DDX6: variants seen among roughly 807,000 people sequenced by gnomAD.
DDX6 encodes the protein DEAD-box helicase 6.
A neutral mutation model predicts 60.6 loss-of-function variants in DDX6; 7 were observed. That is an observed-to-expected ratio of 0.12 (90% confidence interval 0.07 to 0.22). The LOEUF is 0.22. Among genes scored for constraint, DDX6 ranks in the 10% least tolerant of loss-of-function variants. DDX6 has a pLI of 1.00. For synonymous variants in DDX6, 207 were observed against 201.0 expected, an observed-to-expected ratio of 1.03 and a Z score of -0.25; for missense variants, 270 against 589.9, an observed-to-expected ratio of 0.46 and a Z score of 5.62.
intron 4 of DDX6, among the ~76,000 whole-genome samples, chr11:118,777,664 C>A (rs56043232): frequency 2.0e-5 from 3 of 151,940 alleles, no homozygotes; most frequent in East Asian, 3.9e-4. Flanking sequence ...CCAAAGTGGG[C>A]GATCATTTGA....
chr11:118,757,485 T>TA (rs1555159224), intron 9 of DDX6, among the ~76,000 whole-genome samples, 198 bp from the exon 10 acceptor site: 1 of 152,194 alleles, frequency 6.6e-6, no homozygotes, highest in Non-Finnish European at 1.5e-5. Context: ...TTTACCGTAT[T>TA]AGAGTATATT....
chr11:118,781,820 C>T (rs1203134484), intron 2 of DDX6, among the ~76,000 whole-genome samples: 3 of 151,712 alleles, frequency 2.0e-5, no homozygotes, highest in African/African-American at 4.8e-5. Context: ...CCCAGCTACT[C>T]GGGAGGCTGA....
intron 5 of DDX6, 87 bp from the exon 6 acceptor site, chr11:118,765,442 C>T: frequency 7.1e-7 from 1 of 1,411,644 alleles, no homozygotes; most frequent in Admixed American, 1.7e-5. Context: ...ATTTAAGAAG[C>T]TATAGAAATA....
At chr11:118,755,753 C>T (rs1474905779) in intron 11 of DDX6, among the ~76,000 whole-genome samples, 1 of 151,674 alleles carries the variant, frequency 6.6e-6, no homozygotes, top group African/African-American at 2.4e-5. Flanking sequence ...TGCACTCAAG[C>T]CTGTAATCCC....
chr11:118,768,915 C>A (rs1483227186), intron 4 of DDX6, among the ~76,000 whole-genome samples: 5 of 128,828 alleles, frequency 3.9e-5, no homozygotes, highest in African/African-American at 1.1e-4. Context: ...GAGGCTGAGC[C>A]AGGAGGTCAA....
chr11:118,766,402 C>G (rs1861355341), intron 5 of DDX6, among the ~76,000 whole-genome samples: 1 of 151,974 alleles, frequency 6.6e-6, no homozygotes, highest in Admixed American at 6.6e-5. Flanking sequence ...ACACCACACT[C>G]CAGAATGGGT....
intron 9 of DDX6, among the ~76,000 whole-genome samples, chr11:118,758,412 G>A (rs1218478292): frequency 2.0e-5 from 3 of 150,794 alleles, no homozygotes; most frequent in African/African-American, 2.4e-5. Flanking sequence ...TTGCTCTGTC[G>A]CCCAGAGCTG....
At chr11:118,758,632 A>C in intron 9 of DDX6, 142 bp downstream of exon 9, 1 of 896,982 alleles carries the variant, frequency 1.1e-6, no homozygotes, top group South Asian at 2.0e-5. Flanking sequence ...CAGCCTCCAA[A>C]GTGCTGGGAG....
intron 10 of DDX6, among the ~76,000 whole-genome samples, chr11:118,756,753 T>C (rs1254934595): frequency 6.6e-6 from 1 of 152,214 alleles, no homozygotes; most frequent in Non-Finnish European, 1.5e-5. Context: ...CACTATCCAG[T>C]AGCAACAGGT....
chr11:118,785,413 T>A (rs2137554016), intron 2 of DDX6, among the ~76,000 whole-genome samples: 1 of 151,738 alleles, frequency 6.6e-6, no homozygotes, highest in South Asian at 2.1e-4. Flanking sequence ...TTATGTTGCC[T>A]AGGCTGGTCT....
intron 5 of DDX6, 99 bp from the exon 6 acceptor site, chr11:118,765,454 T>TGCATCATAAG: frequency 2.3e-6 from 3 of 1,281,368 alleles, no homozygotes; most frequent in Non-Finnish European, 3.3e-6. Flanking sequence ...ATAGAAATAC[T>TGCATCATAAG]GCGCCTTATG....
intron 5 of DDX6, 38 bp downstream of exon 5, chr11:118,768,185 C>T: frequency 6.3e-7 from 1 of 1,594,542 alleles, no homozygotes; most frequent in Non-Finnish European, 8.6e-7. Flanking sequence ...GCTGAAACTC[C>T]CATTTTTAGT....
intron 6 of DDX6, 85 bp from the exon 7 acceptor site, chr11:118,763,391 C>G (rs1050102079): frequency 4.0e-6 from 4 of 1,009,856 alleles, no homozygotes; most frequent in East Asian, 2.4e-5. Flanking sequence ...CAGTCCTGAG[C>G]TGCTTAATGA....
At chr11:118,762,725 T>C (rs1861216641) in intron 7 of DDX6, among the ~76,000 whole-genome samples, 1 of 152,170 alleles carries the variant, frequency 6.6e-6, no homozygotes, top group Non-Finnish European at 1.5e-5. Context: ...CCATCTTAAG[T>C]CAGGGACCAT....
chr11:118,772,295 C>A (rs782328291), intron 4 of DDX6, among the ~76,000 whole-genome samples: 4 of 151,930 alleles, frequency 2.6e-5, no homozygotes, highest in Non-Finnish European at 5.9e-5. Flanking sequence ...AGTAATAGAG[C>A]CATACAATAA....
chr11:118,755,253 G>T (rs1306372272), intron 12 of DDX6, 149 bp downstream of exon 12: 1 of 586,068 alleles, frequency 1.7e-6, no homozygotes, highest in Non-Finnish European at 3.0e-6. Context: ...AGAAGAATTA[G>T]AAATTAGTCT....
At chr11:118,772,454 G>A (rs1353814916) in intron 4 of DDX6, among the ~76,000 whole-genome samples, 1 of 152,182 alleles carries the variant, frequency 6.6e-6, no homozygotes, top group African/African-American at 2.4e-5. Context: ...ACTAGGCAAA[G>A]CTAGAATGAC....
intron 2 of DDX6, among the ~76,000 whole-genome samples, chr11:118,784,164 AAACTAC>A (rs1012559667): frequency 2.0e-5 from 3 of 152,130 alleles, no homozygotes; most frequent in Non-Finnish European, 4.4e-5. Flanking sequence ...CTGCCAAGAC[AAACTAC>A]AACTGAAGTA....
At chr11:118,790,490 G>T (rs1052548824) in intron 1 of DDX6, 1 of 152,062 alleles carries the variant, frequency 6.6e-6, no homozygotes, top group Admixed American at 6.6e-5. Flanking sequence ...TCAAGCAGCG[G>T]CCGGTTTGCT....
Sources: allele counts gnomAD v4.1 joint callset (sites outside exome capture counted in the v4.1 genomes callset), GRCh38; gene constraint gnomAD v4.1.1; transcripts MANE v1.5; gene names NCBI Gene and HGNC (gene_info 2026-07-23, HGNC 2026-07-21).